Variants in NLRP12 observed in about 807,000 individuals in gnomAD.
The protein encoded by NLRP12 is NACHT, LRR and PYD domains-containing protein 12.
A neutral mutation model predicts 91.2 loss-of-function variants in NLRP12; 108 were observed. That is an observed-to-expected ratio of 1.18 (90% confidence interval 1.01 to 1.39). NLRP12 has a LOEUF of 1.39. Ranked by LOEUF, NLRP12 falls within the 40% of genes most tolerant of loss-of-function variation. NLRP12 has a pLI of 0.00. For missense variants in NLRP12, 1,530 were observed against 1,352.7 expected, an observed-to-expected ratio of 1.13 and a Z score of -2.06; for synonymous variants, 613 against 566.7, an observed-to-expected ratio of 1.08 and a Z score of -1.16.
chr19:53,812,367 C>G (rs938865476), intron 2 of NLRP12, among the ~76,000 whole-genome samples: 1 of 150,668 alleles, frequency 6.6e-6, no homozygotes, highest in African/African-American at 2.4e-5. Flanking sequence ...TGTAAGAGAT[C>G]GCCCCACTGC....
chr19:53,805,482 C>T (rs1461188007), intron 4 of NLRP12, 32 bp from the exon 5 acceptor site: 2 of 1,585,096 alleles, frequency 1.3e-6, no homozygotes, highest in Non-Finnish European at 1.7e-6. Context: ...AGGAGCTGGT[C>T]ATTTCTTTTG....
At chr19:53,815,385 T>C (rs2092143553) in intron 1 of NLRP12, among the ~76,000 whole-genome samples, 1 of 150,592 alleles carries the variant, frequency 6.6e-6, no homozygotes, top group African/African-American at 2.4e-5. Flanking sequence ...TGCGCCACAA[T>C]GCCTGGCTAA....
Position 53,801,222 on chromosome 19 carries a change from C to T in NLRP12, c.2756+5G>A. On this transcript the variant is annotated splice_donor_5th_base_variant and intron_variant, in intron 7 of 9. Transcript: ENST00000324134. ...TCCTAGCGTGGTGAGCAAAACGGGA[C>T]TCACCGCAGGGTCTGGAGCTTGCAC... The T allele has an allele frequency of 6.2e-7, 1 of 1,613,788 alleles. No homozygotes were observed. The highest frequency in any genetic ancestry group is 8.5e-7 in the Non-Finnish European group (1 of 1,179,930).
intron 7 of NLRP12, 56 bp from the exon 8 acceptor site, chr19:53,798,469 T>TG: frequency 6.4e-7 from 1 of 1,559,894 alleles, no homozygotes; most frequent in Non-Finnish European, 8.7e-7. Flanking sequence ...CAAAATCTGC[T>TG]GGGAGGGCCC....
At chr19:53,813,861 A>G (rs2092117796) in intron 2 of NLRP12, among the ~76,000 whole-genome samples, 1 of 146,434 alleles carries the variant, frequency 6.8e-6, no homozygotes, top group African/African-American at 2.5e-5. Context: ...CTAATGTTCG[A>G]TTTTTTGTTT....
At chr19:53,801,442 C>CATT in intron 6 of NLRP12, 45 bp from the exon 7 acceptor site, 1 of 1,301,334 alleles carries the variant, frequency 7.7e-7, no homozygotes, top group Non-Finnish European at 1.0e-6. Context: ...GCTTTCCTTT[C>CATT]TTTTTCTTTT....
At chr19:53,803,608 C>G in intron 6 of NLRP12, 1 of 360,696 alleles carries the variant, frequency 2.8e-6, no homozygotes, top group African/African-American at 2.1e-5. Context: ...GAGTCTCACT[C>G]TGTCACCGTG....
At position 53,812,877 on chromosome 19, in the gene NLRP12, ATC is replaced by A. The variant is rs201800432; in HGVS notation, c.371-1591_371-1590del. On this transcript the variant is annotated intron_variant, in intron 2 of 9. Coordinates refer to ENST00000324134, the MANE Select transcript of NLRP12 (RefSeq NM_144687.4). ...TTCACGATGTTGTGCAATCATCAAT[ATC>A]TCTTTTTTTTTTTTTTTTTGAGACA... Among the ~76,000 whole-genome samples, 20 of 127,256 alleles carry A rather than the reference ATC, an allele frequency of 1.6e-4. No individual in the cohort carries two copies. The East Asian group carries it at 2.0e-3, about 13-fold the overall frequency. The allele number at this position is 127,256 out of a possible 152,430, so 83.5% of individuals were successfully genotyped here.
rs985148828 is a variant in NLRP12 at position 53,810,077 on chromosome 19, G to A, written c.1582C>T (p.Leu528=). 6.2e-6 allele frequency: 10 copies of A among 1,614,168 alleles called. No individual in the cohort carries two copies. In the Middle Eastern group the frequency reaches 1.2e-3, roughly 186 times the overall value. Residue 528 remains leucine, a synonymous_variant, in exon 3 of 10, where the codon CTG becomes TTG. Coordinates refer to ENST00000324134, the MANE Select transcript of NLRP12 (RefSeq NM_144687.4). ...CCTGCCCCGCCCTCCCCCTCGTCCA[G>A]GATATAGTACATAGCTGCAAAGAAT... The part of the protein sequence containing the change: ...QEFFAAMYYI[L]DEGEGGAGPD...
intron 2 of NLRP12, among the ~76,000 whole-genome samples, chr19:53,813,086 G>C (rs2092101715): frequency 6.6e-6 from 1 of 151,348 alleles, no homozygotes; most frequent in Admixed American, 6.6e-5. Context: ...TCACCATGTT[G>C]GCCAGGCTGG....
At chr19:53,793,619 C>T (rs886054602), downstream of NLRP12, 10 of 191,076 alleles carry the variant, frequency 5.2e-5, no homozygotes, top group Non-Finnish European at 8.6e-5. Flanking sequence ...GAGTCCCACT[C>T]TGTCGCCCAG....
Position 53,816,239 on chromosome 19 carries a change from G to A in NLRP12, c.290-1251C>T, listed in dbSNP as rs184938937. ...TAGTTCTCCCATCAGCTGAGCCAGC[G>A]GCACCCCATCTGGTCCTCACTCTGA... On this transcript the variant is annotated intron_variant, in intron 1 of 9. Transcript: ENST00000324134. Among the ~76,000 whole-genome samples the A allele has an allele frequency of 2.8e-4, 43 of 152,064 alleles. No individual in the cohort carries two copies. The East Asian group carries it at 8.1e-3, about 29-fold the overall frequency.
In NLRP12 at chr19:53,810,733, G is replaced by A; in HGVS notation, c.926C>T (p.Pro309Leu). The A allele has an allele frequency of 6.2e-7, 1 of 1,614,026 alleles. No individual in the cohort carries two copies. ...TTTCTCCTCCCAGCAGAGGCACCAGGGTCCCTGAGGATCGTGGAAAGAAGG... is the reference window on the plus strand; with the variant it reads ...TTTCTCCTCCCAGCAGAGGCACCAGAGTCCCTGAGGATCGTGGAAAGAAGG... ...LKPSFHDPQG[P>L]WCLCWEEKRP... Residue 309 changes from proline to leucine, a missense_variant, in exon 3 of 10, where the codon CCC (proline) becomes CTC (leucine). Physicochemically the swap from Pro to Leu is moderately conservative, Grantham distance 98. Transcript: ENST00000324134.
At chr19:53,807,797 C>G (rs2091986599) in intron 3 of NLRP12, 132 bp from the exon 4 acceptor site, 1 of 1,058,394 alleles carries the variant, frequency 9.4e-7, no homozygotes. Flanking sequence ...GTTGCCCAGG[C>G]TGGAGTGCAA....
chr19:53,798,752 T>G (rs921929203), intron 7 of NLRP12, among the ~76,000 whole-genome samples: 1 of 152,114 alleles, frequency 6.6e-6, no homozygotes, highest in Non-Finnish European at 1.5e-5. Context: ...AAATTTTTTT[T>G]CTTTTTGCGA....
At chr19:53,819,161 T>C (rs911007744) in intron 1 of NLRP12, among the ~76,000 whole-genome samples, 1 of 152,098 alleles carries the variant, frequency 6.6e-6, no homozygotes, top group African/African-American at 2.4e-5. Context: ...TTGTACATTA[T>C]TTCCATTTCT....
chr19:53,817,307 G>A (rs138608734), intron 1 of NLRP12, among the ~76,000 whole-genome samples: 5 of 152,268 alleles, frequency 3.3e-5, no homozygotes, highest in Non-Finnish European at 5.9e-5. Context: ...GCGCGTGCCT[G>A]TAATCCCAGC....
intron 1 of NLRP12, 62 bp from the exon 2 acceptor site, chr19:53,815,050 T>C: frequency 1.6e-6 from 2 of 1,237,332 alleles, no homozygotes; most frequent in Non-Finnish European, 2.4e-6. Flanking sequence ...CGCGTCATAT[T>C]AGCTGCGATT....
At chr19:53,794,789 C>T (rs2091719159) in intron 9 of NLRP12, among the ~76,000 whole-genome samples, 1 of 151,762 alleles carries the variant, frequency 6.6e-6, no homozygotes, top group African/African-American at 2.4e-5. Context: ...GCCTTAGCCT[C>T]CCAAGTAGCT....
Sources: gnomAD v4.1 joint callset for allele counts (sites outside exome capture counted in the v4.1 genomes callset) on GRCh38, gnomAD v4.1.1 for gene constraint, MANE v1.5 for transcripts, NCBI Gene and HGNC (gene_info 2026-07-23, HGNC 2026-07-21) for gene names.